TSPAN32: variants seen among roughly 807,000 people sequenced by gnomAD.
TSPAN32 encodes the protein tetraspanin 32, also known as tetraspanin-32.
In TSPAN32, 47 loss-of-function variants were observed where a neutral mutation model predicts 42.7. The observed-to-expected ratio is 1.10, with a 90% confidence interval of 0.87 to 1.40. TSPAN32 has a LOEUF of 1.40. Ranked by LOEUF, TSPAN32 falls within the 40% of genes most tolerant of loss-of-function variation. The pLI, the probability that TSPAN32 is intolerant of heterozygous loss-of-function variation, is 0.00. For synonymous variants in TSPAN32, 175 were observed against 175.9 expected, an observed-to-expected ratio of 0.99 and a Z score of 0.04; for missense variants, 469 against 424.1, an observed-to-expected ratio of 1.11 and a Z score of -0.93.
Position 2,307,258 on chromosome 11 carries a change from C to T in TSPAN32, c.280-1478C>T, listed in dbSNP as rs548705468. Among the ~76,000 whole-genome samples the T allele has an allele frequency of 5.9e-5, 9 of 152,306 alleles. No homozygotes were observed. The East Asian group carries it at 9.7e-4, about 16-fold the overall frequency. On this transcript the variant is annotated intron_variant, in intron 3 of 9. Coordinates refer to ENST00000182290, the MANE Select transcript of TSPAN32 (RefSeq NM_139022.3). ...GGCCCAGCTTCCCCTGGCATGCCAG[C>T]GTTGTCGCTGCCCACCTGCCAGCAT... is the stretch of plus-strand genomic sequence containing the variant.
At position 2,318,116 on chromosome 11, in the gene TSPAN32, T is replaced by C. The variant is rs1848906759; in HGVS notation, c.*192T>C. On this transcript the variant is annotated 3_prime_UTR_variant, in exon 10 of 10. Transcript: ENST00000182290. This position sits in a 1 kb window ranked among gnomAD's most constrained non-coding sequence, Gnocchi z 4.2. ...GCATTGAGCAAATTGTGGTCAAATATACATCACATCAAATTTACCATCTTA... is the reference window on the plus strand; with the variant it reads ...GCATTGAGCAAATTGTGGTCAAATACACATCACATCAAATTTACCATCTTA... 3 of 559,752 alleles carry C rather than the reference T, an allele frequency of 5.4e-6. No individual in the cohort carries two copies. Among genetic ancestry groups the C allele is most frequent in the Non-Finnish European group, 9.4e-6 (3 of 319,652 alleles). 34.7% of individuals were successfully genotyped at this position (559,752 alleles called of 1,614,324 possible).
rs201966461 is a variant in TSPAN32, at chr11:2,317,546, A to G, written c.901+21A>G. On this transcript the variant is annotated intron_variant, in intron 9 of 9. Transcript: ENST00000182290. The surrounding 1 kb of genome is among the most constrained non-coding windows in gnomAD (Gnocchi z 6.2). ...CAGAGGTGAAGACGCCCCTGCTGTC[A>G]GCCCTCATGGGATCCCTGAGGGGAG... is the stretch of plus-strand genomic sequence containing the variant. 7.8e-5 allele frequency: 122 copies of G among 1,557,132 alleles called. No homozygotes were observed. In the East Asian group the frequency reaches 2.7e-3, roughly 35 times the overall value.
At chr11:2,308,374 C>A (rs1467707319) in intron 3 of TSPAN32, among the ~76,000 whole-genome samples, 1 of 151,668 alleles carries the variant, frequency 6.6e-6, no homozygotes, top group East Asian at 2.0e-4. Context: ...CCCACCAGGC[C>A]CCGCAGTGAC....
At position 2,305,379 on chromosome 11, in the gene TSPAN32, C is replaced by A. The variant is rs544144686; in HGVS notation, c.279+1175C>A. On this transcript the variant is annotated intron_variant, in intron 3 of 9. Coordinates refer to ENST00000182290, the MANE Select transcript of TSPAN32 (RefSeq NM_139022.3). ...ACAAGGCAGGTAGTCTGCCCCCCCC[C>A]CCAGAGGGTGTGTGGCCTGCAAAGG... Among the ~76,000 whole-genome samples the A allele has an allele frequency of 3.1e-3, 433 of 139,436 alleles. 7 individuals are homozygous for A. In the Middle Eastern group the frequency reaches 0.034, roughly 11 times the overall value. 91.5% of individuals were successfully genotyped at this position (139,436 alleles called of 152,430 possible).
At chr11:2,308,832 C>T in intron 4 of TSPAN32, 22 bp downstream of exon 4, 2 of 1,528,820 alleles carry the variant, frequency 1.3e-6, no homozygotes, top group South Asian at 2.4e-5. Flanking sequence ...CTGCCCCTAC[C>T]CTGCAGTGGA....
chr11:2,305,333 G>A (rs1407401735), intron 3 of TSPAN32, among the ~76,000 whole-genome samples: 2 of 151,800 alleles, frequency 1.3e-5, no homozygotes, highest in African/African-American at 4.8e-5. Flanking sequence ...GGGCCAGGTG[G>A]GAGGCCCCAG....
intron 6 of TSPAN32, chr11:2,315,343 A>T (rs1260767510): frequency 7.7e-6 from 9 of 1,163,062 alleles, no homozygotes; most frequent in Non-Finnish European, 9.6e-6. Context: ...CTCTGAGGGC[A>T]GAAGGGCTGG....
Position 2,304,024 on chromosome 11 carries a change from A to C in TSPAN32, c.182-83A>C. 9.1e-7 allele frequency: 1 copy of C among 1,099,434 alleles called. No homozygotes were observed. 68.1% of individuals were successfully genotyped at this position (1,099,434 alleles called of 1,614,324 possible). ...GAGTCCCTCACGGCCCCTGACTCCCAAGTTAGATTTCACACCCAGGCTGTG... is the reference window on the plus strand; with the variant it reads ...GAGTCCCTCACGGCCCCTGACTCCCCAGTTAGATTTCACACCCAGGCTGTG... On this transcript the variant is annotated intron_variant, in intron 2 of 9. Transcript: ENST00000182290. This position sits in a 1 kb window ranked among gnomAD's most constrained non-coding sequence, Gnocchi z 4.8.
At position 2,317,480 on chromosome 11, in the gene TSPAN32, G is replaced by T. The variant is rs200106123; in HGVS notation, c.856G>T (p.Asp286Tyr). ...SGSLRWLQES[D>Y]AAPLPLSCHL... is the part of the protein sequence containing the mutation. Reference sequence around the variant, plus strand: ...TAGTCTTCGGTGGCTGCAGGAGAGCGATGCTGCGCCTCTGCCCCTCTCCTG... The same window carrying T: ...TAGTCTTCGGTGGCTGCAGGAGAGCTATGCTGCGCCTCTGCCCCTCTCCTG... The change falls in exon 9 of 10, where the codon GAT becomes TAT. Residue 286 changes from aspartate to tyrosine, a missense_variant. Transcript: ENST00000182290. This position sits in a 1 kb window ranked among gnomAD's most constrained non-coding sequence, Gnocchi z 6.2. 3.1e-6 allele frequency: 5 copies of T among 1,597,994 alleles called. No individual in the cohort carries two copies. In the Admixed American group the frequency reaches 5.2e-5, roughly 16 times the overall value.
Position 2,302,179 on chromosome 11 carries a change from CA to C in TSPAN32, c.33del (p.Lys11AsnfsTer22). The C allele has an allele frequency of 7.4e-7, 1 of 1,346,868 alleles. No individual in the cohort carries two copies. Among genetic ancestry groups the C allele is most frequent in the Non-Finnish European group, 9.6e-7 (1 of 1,038,466 alleles). 83.4% of individuals were successfully genotyped at this position (1,346,868 alleles called of 1,614,324 possible). On this transcript the variant is annotated frameshift_variant, in exon 1 of 10. Transcript: ENST00000182290. LOFTEE classifies it high-confidence loss of function. The stretch of plus-strand genomic sequence containing the variant: ...GGCCTTGGAGTCGAGTCAGGGTTGC[CA>C]AATGCCAGATGCTGGTCACCTGCTT... MGPWSRVRVA[K>X]CQMLVTCFFI...
At position 2,302,871 on chromosome 11, in the gene TSPAN32, G is replaced by T. The variant is rs780470109; in HGVS notation, c.94G>T (p.Val32Leu). ...GCTGGGCCTCTCTGTGGCCACCATG[G>T]TGACTCTTACCTACTTCGGGGCCCA... ...LLLGLSVATM[V>L]TLTYFGAHFA... The change falls in exon 2 of 10, where the codon GTG (valine) becomes TTG (leucine). Residue 32 changes from valine to leucine, a missense_variant. Coordinates refer to ENST00000182290, the MANE Select transcript of TSPAN32 (RefSeq NM_139022.3). 2 of 1,613,670 alleles carry T rather than the reference G, an allele frequency of 1.2e-6. No individual in the cohort carries two copies. The highest frequency in any genetic ancestry group is 2.2e-5 in the South Asian group (2 of 91,080).
At position 2,304,516 on chromosome 11, in the gene TSPAN32, G is replaced by A. The variant is rs2651825; in HGVS notation, c.279+312G>A. On this transcript the variant is annotated intron_variant, in intron 3 of 9. Coordinates refer to ENST00000182290, the MANE Select transcript of TSPAN32 (RefSeq NM_139022.3). The surrounding 1 kb of genome is among the most constrained non-coding windows in gnomAD (Gnocchi z 4.8). ...TATAGGAGCTCTGAAAGAGAGAGACGGCCCTCCTGACCCTGGGAGCTGTTT... is the reference window on the plus strand; with the variant it reads ...TATAGGAGCTCTGAAAGAGAGAGACAGCCCTCCTGACCCTGGGAGCTGTTT... 1.7e-3 allele frequency among the ~76,000 whole-genome samples: 252 copies of A among 151,888 alleles called. 2 individuals carry two copies. The highest frequency in any genetic ancestry group is 2.6e-3 in the Non-Finnish European group (179 of 67,934).
In TSPAN32 at chr11:2,313,922, C is replaced by T. The variant is rs1255798503; in HGVS notation, c.456+167C>T. Among the ~76,000 whole-genome samples, 1 of 152,118 alleles carries T rather than the reference C, an allele frequency of 6.6e-6. No individual in the cohort carries two copies. Among genetic ancestry groups the T allele is most frequent in the Non-Finnish European group, 1.5e-5 (1 of 68,032 alleles). ...GCTGGGGGCAAAAAGCTCCCACCCTCTGTCTGCCCAGGACAAGGCCGCCTA... is the reference window on the plus strand; with the variant it reads ...GCTGGGGGCAAAAAGCTCCCACCCTTTGTCTGCCCAGGACAAGGCCGCCTA... On this transcript the variant is annotated intron_variant, in intron 5 of 9. Transcript: ENST00000182290. The surrounding 1 kb of genome is among the most constrained non-coding windows in gnomAD (Gnocchi z 9.1).
intron 6 of TSPAN32, chr11:2,315,152 G>C (rs537215304): frequency 7.6e-6 from 6 of 786,584 alleles, no homozygotes; most frequent in African/African-American, 3.9e-5. Flanking sequence ...CCTGGTGCCC[G>C]GCAGCCCTCC....
rs1054151555 is a variant in TSPAN32, at chr11:2,304,962, C to T, written c.279+758C>T. Among the ~76,000 whole-genome samples, 5 of 152,214 alleles carry T rather than the reference C, an allele frequency of 3.3e-5. No homozygotes were observed. Among genetic ancestry groups the T allele is most frequent in the African/African-American group, 9.6e-5 (4 of 41,454 alleles). ...CCGGGCTCCCACCTGTCCCTCTAGC[C>T]TCCCGTCTCCCCTTTCCAGCCATGA... On this transcript the variant is annotated intron_variant, in intron 3 of 9. Transcript: ENST00000182290. This position sits in a 1 kb window ranked among gnomAD's most constrained non-coding sequence, Gnocchi z 4.8.
intron 4 of TSPAN32, among the ~76,000 whole-genome samples, chr11:2,311,323 G>T (rs1848444511): frequency 6.6e-6 from 1 of 152,192 alleles, no homozygotes; most frequent in Non-Finnish European, 1.5e-5. Context: ...GCTCATGCGG[G>T]CAGGAGGCGT....
At chr11:2,315,814 C>T in intron 6 of TSPAN32, 2 of 1,332,736 alleles carry the variant, frequency 1.5e-6, no homozygotes, top group African/African-American at 3.0e-5. Context: ...CCTCACACCC[C>T]TCCACCAGCT....
At chr11:2,305,378 C>CCCCA (rs1554938647) in intron 3 of TSPAN32, among the ~76,000 whole-genome samples, 1 of 151,414 alleles carries the variant, frequency 6.6e-6, no homozygotes, top group Non-Finnish European at 1.5e-5. Context: ...CTGCCCCCCC[C>CCCCA]CCCAGAGGGT....
chr11:2,311,715 A>G (rs1848469895), intron 4 of TSPAN32, among the ~76,000 whole-genome samples: 1 of 152,194 alleles, frequency 6.6e-6, no homozygotes, highest in Non-Finnish European at 1.5e-5. Flanking sequence ...ACCAGGGAAG[A>G]TCTGGTCATG....
Sources: gnomAD v4.1 joint callset for allele counts (sites outside exome capture counted in the v4.1 genomes callset) on GRCh38, gnomAD v4.1.1 for gene constraint, Gnocchi (gnomAD v3.1) non-coding constraint, MANE v1.5 for transcripts, NCBI Gene and HGNC (gene_info 2026-07-23, HGNC 2026-07-21) for gene names.